Variants in MAF observed in about 807,000 individuals in gnomAD.
The protein encoded by MAF is transcription factor Maf.
A neutral mutation model predicts 22.0 loss-of-function variants in MAF; 10 were observed. That is an observed-to-expected ratio of 0.45 (90% confidence interval 0.28 to 0.77). The LOEUF (loss-of-function observed/expected upper bound fraction) is 0.77. MAF is among the 30% of genes least tolerant of loss of function. The pLI is 0.12. For missense variants in MAF, 544 were observed against 548.4 expected (o/e 0.99, Z 0.08); for synonymous variants, 337 against 255.8 (o/e 1.32, Z -3.03).
chr16:79,411,433 C>G, the MAF span, among the ~76,000 whole-genome samples: 1 of 152,218 alleles, frequency 6.6e-6, no homozygotes, highest in Non-Finnish European at 1.5e-5. Context: ...TAACCAACCT[C>G]AGTGTCATTC....
At chr16:79,322,429 A>G in the MAF span, among the ~76,000 whole-genome samples, 1 of 152,086 alleles carries the variant, frequency 6.6e-6, no homozygotes, top group South Asian at 2.1e-4. Flanking sequence ...TATGCTTGTG[A>G]TTTGAGAAAA....
At chr16:79,461,372 T>G in the MAF span, among the ~76,000 whole-genome samples, 1 of 152,164 alleles carries the variant, frequency 6.6e-6, no homozygotes, top group African/African-American at 2.4e-5. Context: ...CTACGGCAGC[T>G]CTCCTCCAAG....
chr16:79,307,926 T>A, the MAF span, among the ~76,000 whole-genome samples: 1 of 152,178 alleles, frequency 6.6e-6, no homozygotes, highest in Non-Finnish European at 1.5e-5. Flanking sequence ...ACCCTTTGAC[T>A]CACTCATCTT....
intron 1 of MAF, chr16:79,596,420 C>T: frequency 9.5e-7 from 1 of 1,057,120 alleles, no homozygotes; most frequent in Non-Finnish European, 1.1e-6. Flanking sequence ...ATGCATTTTA[C>T]ACTTTTAACG....
At chr16:79,219,703 T>G in the MAF span, among the ~76,000 whole-genome samples, 1 of 152,092 alleles carries the variant, frequency 6.6e-6, no homozygotes, top group Non-Finnish European at 1.5e-5. Context: ...CCAAGGCCAT[T>G]TGTCTCTGAC....
chr16:79,507,592 T>A, the MAF span, among the ~76,000 whole-genome samples: 1 of 151,812 alleles, frequency 6.6e-6, no homozygotes, highest in Non-Finnish European at 1.5e-5. Context: ...GCCTGGCTAA[T>A]TTTTTTGTAT....
At chr16:79,263,808 C>G in the MAF span, among the ~76,000 whole-genome samples, 17 of 152,110 alleles carry the variant, frequency 1.1e-4, no homozygotes, top group African/African-American at 4.1e-4. Flanking sequence ...ATGTACTTTC[C>G]AAGAGTTCTG....
chr16:79,277,976 G>A, the MAF span, among the ~76,000 whole-genome samples: 1 of 152,296 alleles, frequency 6.6e-6, no homozygotes, highest in East Asian at 1.9e-4. Flanking sequence ...GATCTGCCCA[G>A]CGCTACTAAT....
At chr16:79,250,377 G>A in the MAF span, among the ~76,000 whole-genome samples, 16 of 152,206 alleles carry the variant, frequency 1.1e-4, no homozygotes, top group African/African-American at 3.1e-4. Context: ...TGACCTCTCC[G>A]CAACTCAGCT....
At chr16:79,412,488 T>C in the MAF span, among the ~76,000 whole-genome samples, 1 of 152,302 alleles carries the variant, frequency 6.6e-6, no homozygotes, top group African/African-American at 2.4e-5. Flanking sequence ...TCAAAATTTA[T>C]CCACCTGGGC....
the MAF span, among the ~76,000 whole-genome samples, chr16:79,360,192 T>A: frequency 6.6e-6 from 1 of 152,150 alleles, no homozygotes; most frequent in Non-Finnish European, 1.5e-5. Context: ...CCATTGAAAA[T>A]GATGTTCACA....
chr16:79,212,906 T>TAAAGAAAAG, the MAF span: 7 of 151,482 alleles, frequency 4.6e-5, no homozygotes, highest in Non-Finnish European at 7.4e-5. Flanking sequence ...TATTTTCTGT[T>TAAAGAAAAG]AAAGAAAGAA....
At chr16:79,261,055 G>A in the MAF span, among the ~76,000 whole-genome samples, 1 of 152,096 alleles carries the variant, frequency 6.6e-6, no homozygotes, top group East Asian at 1.9e-4. Context: ...GGGGCTGCAG[G>A]CGAGAAGCAG....
the MAF span, among the ~76,000 whole-genome samples, chr16:79,347,383 G>C: frequency 1.3e-5 from 2 of 152,206 alleles, no homozygotes; most frequent in Non-Finnish European, 2.9e-5. Context: ...AGCGAGCCAG[G>C]AGTCTCGGTC....
chr16:79,272,201 C>T, the MAF span, among the ~76,000 whole-genome samples: 3 of 152,186 alleles, frequency 2.0e-5, no homozygotes, highest in African/African-American at 7.2e-5. Context: ...TCTGAACGCG[C>T]TCAGAGACAG....
chr16:79,451,145 T>A, the MAF span, among the ~76,000 whole-genome samples: 1 of 152,142 alleles, frequency 6.6e-6, no homozygotes, highest in Non-Finnish European at 1.5e-5. Context: ...ATAAAGAAAA[T>A]GCTACCCACC....
the MAF span, among the ~76,000 whole-genome samples, chr16:79,517,307 A>G: frequency 0.13 from 20,296 of 152,226 alleles, 1,556 homozygotes; most frequent in Admixed American, 0.22. Context: ...TGTGGAGACA[A>G]ACGATTGCCT....
the MAF span, among the ~76,000 whole-genome samples, chr16:79,312,259 G>A: frequency 6.6e-6 from 1 of 152,174 alleles, no homozygotes; most frequent in Non-Finnish European, 1.5e-5. Context: ...AGTTTTGTAT[G>A]CACTCCTCCA....
At chr16:79,398,537 G>C in the MAF span, among the ~76,000 whole-genome samples, 1 of 152,150 alleles carries the variant, frequency 6.6e-6, no homozygotes, top group Non-Finnish European at 1.5e-5. Context: ...AGGACTCATG[G>C]AACCAGGTAG....
Sources: allele counts gnomAD v4.1 joint callset (sites outside exome capture counted in the v4.1 genomes callset), GRCh38; gene constraint gnomAD v4.1.1; transcripts MANE v1.5; gene names NCBI Gene and HGNC (gene_info 2026-07-23, HGNC 2026-07-21).